RGS12: variants seen among roughly 807,000 people sequenced by gnomAD.
RGS12 encodes regulator of G protein signaling 12.
In RGS12, 66 loss-of-function variants were observed where a neutral mutation model predicts 120.1. That is an observed-to-expected ratio of 0.55 (90% CI 0.45 to 0.67). The LOEUF (loss-of-function observed/expected upper bound fraction) is 0.67. Among genes scored for constraint, RGS12 ranks in the 30% least tolerant of loss-of-function variants. The pLI, the probability that RGS12 is intolerant of heterozygous loss-of-function variation, is 0.00. For missense variants in RGS12, 1,859 were observed against 1,957.7 expected (o/e 0.95, Z 0.95); for synonymous variants, 827 against 804.7 (o/e 1.03, Z -0.47).
At chr4:3,351,937 C>T (rs770500077) in intron 3 of RGS12, among the ~76,000 whole-genome samples, 2 of 152,076 alleles carry the variant, frequency 1.3e-5, no homozygotes, top group Non-Finnish European at 2.9e-5. Context: ...CATCCCATAC[C>T]CATTATTTAG....
intron 4 of RGS12, among the ~76,000 whole-genome samples, chr4:3,403,098 A>G (rs1310743693): frequency 1.3e-5 from 2 of 152,222 alleles, no homozygotes. Context: ...GCTCACTCGC[A>G]TGGCCTCATG....
At position 3,334,839 on chromosome 4, in the gene RGS12, A is replaced by G. The variant is rs549424641; in HGVS notation, c.1882-8098A>G. 3.9e-5 allele frequency among the ~76,000 whole-genome samples: 6 copies of G among 152,302 alleles called. No homozygotes were observed. The South Asian group carries it at 1.2e-3, about 32-fold the overall frequency. On this transcript the variant is annotated intron_variant, in intron 2 of 17. Coordinates refer to ENST00000336727, the MANE Select transcript of RGS12 (RefSeq NM_001394154.1). ...TGACAGCTCAAGAAGAAGATCAGGC[A>G]GATGCGGGTCACTGATGTGTTGGGT...
In RGS12 at chr4:3,297,422, A is replaced by T. The variant is rs542324259; in HGVS notation, c.-102+4323A>T. Among the ~76,000 whole-genome samples the T allele has an allele frequency of 4.7e-4, 71 of 152,332 alleles. 1 individual carries two copies. The highest frequency in any genetic ancestry group is 8.4e-4 in the Non-Finnish European group (57 of 68,036). On this transcript the variant is annotated intron_variant, in intron 1 of 17. Transcript: ENST00000336727. ...GTTGAAGCTGCTCCTTTAAAGCTTA[A>T]GACATTCTTTTTTTATTTCTCCCAA...
In RGS12 at chr4:3,423,141, C is replaced by G. The variant is rs141358126; in HGVS notation, c.3107+163C>G. Among the ~76,000 whole-genome samples the G allele has an allele frequency of 6.3e-3, 953 of 152,262 alleles. 13 individuals carry two copies. Among genetic ancestry groups the G allele is most frequent in the Middle Eastern group, 0.024 (7 of 294 alleles). On this transcript the variant is annotated intron_variant, in intron 12 of 17. Coordinates refer to ENST00000336727, the MANE Select transcript of RGS12 (RefSeq NM_001394154.1). Reference sequence around the variant, plus strand: ...AGGGTGGAGGCCCACACGAGGCAGCCCCCCTACAAGCCCGGGGGTGAGAGG... The same window carrying G: ...AGGGTGGAGGCCCACACGAGGCAGCGCCCCTACAAGCCCGGGGGTGAGAGG...
chr4:3,330,593 T>G (rs1473652638), intron 2 of RGS12, among the ~76,000 whole-genome samples: 3 of 152,176 alleles, frequency 2.0e-5, no homozygotes, highest in Non-Finnish European at 4.4e-5. Context: ...TTTTTTTGAT[T>G]GAATGAAATT....
At chr4:3,398,190 A>G (rs1406789806) in intron 4 of RGS12, among the ~76,000 whole-genome samples, 2 of 152,262 alleles carry the variant, frequency 1.3e-5, no homozygotes, top group African/African-American at 4.8e-5. Flanking sequence ...CTGGAAGTGA[A>G]TAAAATTATT....
At chr4:3,337,212 G>GA (rs1712574340) in intron 2 of RGS12, among the ~76,000 whole-genome samples, 1 of 152,180 alleles carries the variant, frequency 6.6e-6, no homozygotes, top group African/African-American at 2.4e-5. Context: ...TCACAAGAGA[G>GA]AAAAATGACC....
In RGS12 at chr4:3,316,556, T is replaced by C. The variant is rs770046853; in HGVS notation, c.386T>C (p.Leu129Pro). Reference protein sequence around the residue: ...WLKPKLDSKALGINRAERVVE... With the variant: ...WLKPKLDSKAPGINRAERVVE... ...AAGCCCAAGCTGGATTCTAAAGCACTAGGTATAAACAGAGCAGAGCGAGTC... is the reference window on the plus strand; with the variant it reads ...AAGCCCAAGCTGGATTCTAAAGCACCAGGTATAAACAGAGCAGAGCGAGTC... The change falls in exon 2 of 18, where the codon CTA becomes CCA. Residue 129 changes from leucine (L) to proline (P), a missense_variant. This residue lies in a region of RGS12 where 967 missense variants were observed against 994.2 expected (regional missense o/e 0.97). Coordinates refer to ENST00000336727, the MANE Select transcript of RGS12 (RefSeq NM_001394154.1). The C allele has an allele frequency of 8.1e-6, 13 of 1,614,014 alleles. No homozygotes were observed. The highest frequency in any genetic ancestry group is 1.6e-4 in the Middle Eastern group (1 of 6,084).
rs761536637 is a variant in RGS12 at position 3,317,869 on chromosome 4, A to G, written c.1699A>G (p.Ile567Val). 5.0e-6 allele frequency: 8 copies of G among 1,613,666 alleles called. No homozygotes were observed. The South Asian group carries it at 5.5e-5, about 11-fold the overall frequency. The change falls in exon 2 of 18, where the codon ATC becomes GTC. Residue 567 changes from isoleucine to valine, a missense_variant. Ile to Val is a conservative substitution (Grantham distance 29). This residue lies in a region of RGS12 where 967 missense variants were observed against 994.2 expected (regional missense o/e 0.97). Coordinates refer to ENST00000336727, the MANE Select transcript of RGS12 (RefSeq NM_001394154.1). ...YTDSTDGWSS[I>V]NCGTLPPPMS... ...AGATTCCACCGATGGCTGGTCCAGC[A>G]TCAACTGCGGCACACTGCCCCCTCC...
In RGS12 at chr4:3,316,131, G is replaced by A. The variant is rs1214788799; in HGVS notation, c.-40G>A. On this transcript the variant is annotated 5_prime_UTR_variant, in exon 2 of 18. Coordinates refer to ENST00000336727, the MANE Select transcript of RGS12 (RefSeq NM_001394154.1). ...CATTCCTTGAAATATGGCTCCAAGG[G>A]AACAATGAGACGTGCTCTTGGTCTT... is the stretch of plus-strand genomic sequence containing the variant. 6.6e-7 allele frequency: 1 copy of A among 1,508,276 alleles called. No homozygotes were observed. Among genetic ancestry groups the A allele is most frequent in the Non-Finnish European group, 8.9e-7 (1 of 1,127,392 alleles). The allele number at this position is 1,508,276 out of a possible 1,614,324, so 93.4% of individuals were successfully genotyped here.
chr4:3,439,594 G>A lies in RGS12; in HGVS notation c.4254G>A (p.Gly1418=), dbSNP rs376448319. ...AGPGRSQASG[G]PPTSDLPGLG... ...CTGGGAGGTCGCAGGCCAGTGGTGGGCCTCCTACATCAGACCTCCCTGGCT... is the reference window on the plus strand; with the variant it reads ...CTGGGAGGTCGCAGGCCAGTGGTGGACCTCCTACATCAGACCTCCCTGGCT... The change falls in exon 18 of 18, where the codon GGG becomes GGA. Residue 1418 remains glycine (G), a synonymous_variant. Transcript: ENST00000336727. 26 of 1,609,936 alleles carry A rather than the reference G, an allele frequency of 1.6e-5. No homozygotes were observed. The African/African-American group carries it at 2.9e-4, about 18-fold the overall frequency.
At position 3,413,241 on chromosome 4, in the gene RGS12, C is replaced by G. The variant is rs148561354; in HGVS notation, c.2021-831C>G. The G allele has an allele frequency of 1.2e-3, 181 of 151,038 alleles. 2 individuals carry two copies. The highest frequency in any genetic ancestry group is 4.3e-3 in the African/African-American group (175 of 40,326). 9.4% of individuals were successfully genotyped at this position (151,038 alleles called of 1,614,324 possible). A position where few individuals can be genotyped will look rare whatever the true frequency, so the allele number is the denominator to read the frequency against. The stretch of plus-strand genomic sequence containing the variant: ...GCATCCAGTGGACAAGGGTGATGAA[C>G]GGGGATTTCCTGGGGACCTCCCTTC... On this transcript the variant is annotated intron_variant, in intron 4 of 17. Coordinates refer to ENST00000336727, the MANE Select transcript of RGS12 (RefSeq NM_001394154.1).
intron 17 of RGS12, chr4:3,431,630 C>A (rs1382930875): frequency 4.1e-6 from 4 of 985,472 alleles, no homozygotes; most frequent in Middle Eastern, 1.0e-3. Context: ...GCCACAAATA[C>A]CAGAAACTGA....
chr4:3,381,976 A>C (rs1364641056), intron 3 of RGS12, among the ~76,000 whole-genome samples: 2 of 152,236 alleles, frequency 1.3e-5, no homozygotes, highest in African/African-American at 4.8e-5. Flanking sequence ...TGAAGGCCAG[A>C]GGCTTCCCTG....
At chr4:3,368,451 T>G (rs112257814) in intron 3 of RGS12, among the ~76,000 whole-genome samples, 2,559 of 108,804 alleles carry the variant, frequency 0.024, 78 homozygotes, top group African/African-American at 0.072. Context: ...TGTGTGTGTG[T>G]GGGGTGCCTT....
chr4:3,362,709 CTGTG>C (rs1200898583), intron 3 of RGS12, among the ~76,000 whole-genome samples: 4 of 50,392 alleles, frequency 7.9e-5, no homozygotes, highest in South Asian at 8.0e-4. Context: ...GTGTGTGAGG[CTGTG>C]TGAGGGTGAG....
rs1341285923 is a variant in RGS12, at chr4:3,317,322, G to T, written c.1152G>T (p.Gln384His). The change falls in exon 2 of 18, where the codon CAG becomes CAT. Residue 384 changes from glutamine (Q) to histidine (H), a missense_variant. Physicochemically the swap from Gln to His is conservative, Grantham distance 24. Transcript: ENST00000336727. ...EFPASSLPVL[Q>H]FISVLYRDMG... Reference sequence around the variant, plus strand: ...CGGCGTCCTCCCTCCCCGTCCTGCAGTTCATCTCTGTCCTGTACCGAGACA... The same window carrying T: ...CGGCGTCCTCCCTCCCCGTCCTGCATTTCATCTCTGTCCTGTACCGAGACA... 1 of 1,614,024 alleles carries T rather than the reference G, an allele frequency of 6.2e-7. No individual in the cohort carries two copies. Among genetic ancestry groups the T allele is most frequent in the Non-Finnish European group, 8.5e-7 (1 of 1,180,036 alleles).
chr4:3,298,020 T>G (rs570170772), intron 1 of RGS12, among the ~76,000 whole-genome samples: 1 of 152,232 alleles, frequency 6.6e-6, no homozygotes, highest in Non-Finnish European at 1.5e-5. Flanking sequence ...TTTGAAAATG[T>G]TGCTTCATTG....
chr4:3,433,751 C>T lies in RGS12; in HGVS notation c.4114+2796C>T, dbSNP rs1022015499. 2.0e-5 allele frequency among the ~76,000 whole-genome samples: 3 copies of T among 152,150 alleles called. No individual in the cohort carries two copies. Among genetic ancestry groups the T allele is most frequent in the Non-Finnish European group, 2.9e-5 (2 of 68,040 alleles). ...CCATGCTTCTAGCCCCAGCGCCACA[C>T]GCCACGCGGCACTCCACCCCGTCTG... On this transcript the variant is annotated intron_variant, in intron 17 of 17. Transcript: ENST00000336727. This position sits in a 1 kb window ranked among gnomAD's most constrained non-coding sequence, Gnocchi z 4.4.
Sources: allele counts gnomAD v4.1 joint callset (sites outside exome capture counted in the v4.1 genomes callset), GRCh38; gene constraint gnomAD v4.1.1; regional missense constraint gnomAD v4.1.1; non-coding constraint Gnocchi (gnomAD v3.1); transcripts MANE v1.5; gene names NCBI Gene and HGNC (gene_info 2026-07-23, HGNC 2026-07-21).